ZNF92: variants seen among roughly 807,000 people sequenced by gnomAD.
ZNF92 encodes zinc finger protein 92.
In ZNF92, 11 loss-of-function variants were observed where a neutral mutation model predicts 12.4. The ratio of observed to expected loss-of-function variants is 0.89; its 90% CI spans 0.56 to 1.47. ZNF92 has a LOEUF of 1.47. Among genes scored for constraint, ZNF92 ranks in the 40% most tolerant of loss-of-function variants. The pLI, the probability that ZNF92 is intolerant of heterozygous loss-of-function variation, is 0.00. For synonymous variants in ZNF92, 206 were observed against 228.6 expected, an observed-to-expected ratio of 0.90 and a Z score of 0.89; for missense variants, 622 against 681.0, an observed-to-expected ratio of 0.91 and a Z score of 0.96.
intron 1 of ZNF92, 71 bp downstream of exon 1, chr7:65,374,071 GC>G: frequency 6.2e-7 from 1 of 1,606,310 alleles, no homozygotes; most frequent in South Asian, 1.1e-5. Flanking sequence ...AGTGGCTGTG[GC>G]GGGCCTCGGG....
chr7:65,392,781 C>T (rs1358196648), intron 3 of ZNF92, among the ~76,000 whole-genome samples: 1 of 151,998 alleles, frequency 6.6e-6, no homozygotes, highest in Non-Finnish European at 1.5e-5. Context: ...GGTGATCCAC[C>T]CACCTCAGCC....
chr7:65,393,525 A>G (rs1349624381), intron 3 of ZNF92, among the ~76,000 whole-genome samples: 3 of 152,300 alleles, frequency 2.0e-5, no homozygotes, highest in East Asian at 1.9e-4. Context: ...AGATTCATAA[A>G]TGGGATACAG....
chr7:65,376,407 T>G (rs1793239855), intron 1 of ZNF92, among the ~76,000 whole-genome samples: 1 of 152,086 alleles, frequency 6.6e-6, no homozygotes, highest in Admixed American at 6.6e-5. Flanking sequence ...TTCTTTTACC[T>G]TTTTTGTTTT....
At chr7:65,374,398 T>C (rs1237684276) in intron 1 of ZNF92, among the ~76,000 whole-genome samples, 1 of 152,038 alleles carries the variant, frequency 6.6e-6, no homozygotes, top group Non-Finnish European at 1.5e-5. Context: ...TTTTTCCTAT[T>C]AAAAATTTAT....
Position 65,399,123 on chromosome 7 carries a change from G to A in ZNF92, c.1009G>A (p.Gly337Arg). The change falls in exon 4 of 4, where the codon GGG becomes AGG. Residue 337 changes from glycine (G) to arginine (R), a missense_variant. Physicochemically the swap from Gly to Arg is moderately radical, Grantham distance 125. Coordinates refer to ENST00000328747, the MANE Select transcript of ZNF92 (RefSeq NM_152626.4). The part of the protein sequence containing the change: ...ILKKHKIIHT[G>R]EKPYKCEECG... ...TAAAAAACATAAGATAATCCATACT[G>A]GGGAAAAACCATACAAATGTGAAGA... The A allele has an allele frequency of 6.2e-7, 1 of 1,612,386 alleles. No homozygotes were observed. Among genetic ancestry groups the A allele is most frequent in the Admixed American group, 1.7e-5 (1 of 59,880 alleles).
intron 3 of ZNF92, 28 bp downstream of exon 3, chr7:65,388,929 C>A (rs767729039): frequency 6.5e-7 from 1 of 1,535,438 alleles, no homozygotes; most frequent in Non-Finnish European, 8.8e-7. Flanking sequence ...CAACAGACAA[C>A]ACAAATGAGA....
At chr7:65,382,227 T>C (rs1250599349) in intron 1 of ZNF92, among the ~76,000 whole-genome samples, 1 of 152,014 alleles carries the variant, frequency 6.6e-6, no homozygotes, top group East Asian at 1.9e-4. Context: ...GTCTTTGCAG[T>C]CTCTTAAGCA....
intron 1 of ZNF92, among the ~76,000 whole-genome samples, chr7:65,383,107 C>T (rs1056351485): frequency 6.6e-6 from 1 of 152,134 alleles, no homozygotes; most frequent in Admixed American, 6.6e-5. Flanking sequence ...AGCCCACTCT[C>T]TATCTCTTTT....
rs893750871 is a variant in ZNF92 at position 65,382,553 on chromosome 7, G to A, written c.4-5349G>A. Among the ~76,000 whole-genome samples, 60 of 151,968 alleles carry A rather than the reference G, an allele frequency of 3.9e-4. 3 individuals are homozygous for A. The highest frequency in any genetic ancestry group is 1.5e-5 in the Non-Finnish European group (1 of 67,994). ...GTCCTGTATAATCACATCTAGAGAG[G>A]CTAGACCAAATTTCTAAATACTTCA... On this transcript the variant is annotated intron_variant, in intron 1 of 3. Coordinates refer to ENST00000328747, the MANE Select transcript of ZNF92 (RefSeq NM_152626.4).
At chr7:65,381,330 G>A (rs944398028) in intron 1 of ZNF92, among the ~76,000 whole-genome samples, 4 of 151,528 alleles carry the variant, frequency 2.6e-5, no homozygotes, top group African/African-American at 2.4e-5. Flanking sequence ...CTTGAAAAGC[G>A]TGTGTTTATG....
chr7:65,380,929 TTTTG>T (rs759798931), intron 1 of ZNF92, among the ~76,000 whole-genome samples: 12 of 152,104 alleles, frequency 7.9e-5, no homozygotes, highest in African/African-American at 1.2e-4. Context: ...GTGGTGTTTT[TTTTG>T]TTTGTTTGTT....
In ZNF92 at chr7:65,399,345, A is replaced by T. The variant is rs935269761; in HGVS notation, c.1231A>T (p.Thr411Ser). ...ECGKAFKQSS[T>S]LTEHKIIHTG... is the part of the protein sequence containing the mutation. ...TGGCAAAGCTTTTAAACAGTCCTCA[A>T]CCCTTACTGAACATAAGATAATTCA... Residue 411 changes from threonine to serine, a missense_variant, in exon 4 of 4, where the codon ACC becomes TCC. By Grantham distance (58) the Thr-to-Ser change is moderately conservative. Coordinates refer to ENST00000328747, the MANE Select transcript of ZNF92 (RefSeq NM_152626.4). The T allele has an allele frequency of 6.2e-7, 1 of 1,613,468 alleles. No individual in the cohort carries two copies. Among genetic ancestry groups the T allele is most frequent in the Non-Finnish European group, 8.5e-7 (1 of 1,179,782 alleles).
intron 1 of ZNF92, among the ~76,000 whole-genome samples, chr7:65,379,271 A>T (rs114689560): frequency 0.012 from 1,831 of 152,234 alleles, 47 homozygotes; most frequent in African/African-American, 0.04. Context: ...CAGAATTCAA[A>T]TGTTAGAAAA....
Position 65,378,570 on chromosome 7 carries a change from A to G in ZNF92, c.3+4570A>G, listed in dbSNP as rs200428606. Among the ~76,000 whole-genome samples the G allele has an allele frequency of 3.9e-4, 59 of 151,374 alleles. No homozygotes were observed. The East Asian group carries it at 8.3e-3, about 21-fold the overall frequency. Reference sequence around the variant, plus strand: ...ATCCTGGCTAACATGGTGATACTCCATCTCTACTAAAAATACAAAAAAGTA... The same window carrying G: ...ATCCTGGCTAACATGGTGATACTCCGTCTCTACTAAAAATACAAAAAAGTA... On this transcript the variant is annotated intron_variant, in intron 1 of 3. Transcript: ENST00000328747.
At chr7:65,376,519 T>A (rs940007881) in intron 1 of ZNF92, among the ~76,000 whole-genome samples, 11 of 152,126 alleles carry the variant, frequency 7.2e-5, no homozygotes, top group African/African-American at 2.4e-4. Flanking sequence ...TGATCTCAGC[T>A]CACTGTGACC....
intron 1 of ZNF92, among the ~76,000 whole-genome samples, chr7:65,385,177 C>CT (rs1333289626): frequency 1.3e-5 from 2 of 152,080 alleles, no homozygotes; most frequent in Non-Finnish European, 2.9e-5. Flanking sequence ...TTAAAATACC[C>CT]TTTCATGGAC....
intron 1 of ZNF92, among the ~76,000 whole-genome samples, chr7:65,386,337 A>G (rs974371081): frequency 3.3e-5 from 5 of 152,064 alleles, no homozygotes; most frequent in Admixed American, 2.0e-4. Flanking sequence ...CTTCCTATAT[A>G]CTGGAGCCTT....
At position 65,399,015 on chromosome 7, in the gene ZNF92, A is replaced by G. The variant is rs1024310349; in HGVS notation, c.901A>G (p.Asn301Asp). 1.2e-6 allele frequency: 2 copies of G among 1,613,346 alleles called. No homozygotes were observed. The highest frequency in any genetic ancestry group is 1.7e-6 in the Non-Finnish European group (2 of 1,179,760). Residue 301 changes from asparagine to aspartate, a missense_variant, in exon 4 of 4, where the codon AAT (asparagine) becomes GAT (aspartate). Transcript: ENST00000328747. ...GKAFNQFSILNKHKRIHMEDK... is the reference protein window; with the variant it reads ...GKAFNQFSILDKHKRIHMEDK... ...GGCCTTTAACCAGTTCTCGATTCTT[A>G]ATAAACATAAGAGAATTCATATGGA...
At chr7:65,374,528 A>T (rs1485995772) in intron 1 of ZNF92, among the ~76,000 whole-genome samples, 1 of 151,982 alleles carries the variant, frequency 6.6e-6, no homozygotes, top group African/African-American at 2.4e-5. Context: ...ACACTTTTAT[A>T]AGATGCATAA....
Sources: gnomAD v4.1 joint callset for allele counts (sites outside exome capture counted in the v4.1 genomes callset) on GRCh38, gnomAD v4.1.1 for gene constraint, MANE v1.5 for transcripts, NCBI Gene and HGNC (gene_info 2026-07-23, HGNC 2026-07-21) for gene names.